The following COL4A5 variants were observed in gnomAD, a reference collection of about 807,000 sequenced individuals.
The protein encoded by COL4A5 is collagen alpha-5(IV) chain.
Under a neutral mutation model 130.2 loss-of-function variants are expected in COL4A5, and 26 were observed. The ratio of observed to expected loss-of-function variants is 0.20; its 90% CI spans 0.15 to 0.28. The LOEUF (loss-of-function observed/expected upper bound fraction) is 0.28. Ranked by LOEUF, COL4A5 falls within the 10% of genes least tolerant of loss-of-function variation. The pLI is 1.00. For missense variants in COL4A5, 1,131 were observed against 1,344.3 expected, an observed-to-expected ratio of 0.84 and a Z score of 2.48; for synonymous variants, 496 against 439.6, an observed-to-expected ratio of 1.13 and a Z score of -1.60.
At chrX:108,509,785 C>A (rs961554263) in intron 1 of COL4A5, among the ~76,000 whole-genome samples, 2 of 111,819 alleles carry the variant, frequency 1.8e-5, no homozygotes, top group African/African-American at 6.5e-5. Flanking sequence ...TACCATTGCA[C>A]CCAGCAATCC....
At chrX:108,508,831 A>G (rs2147585096) in intron 1 of COL4A5, among the ~76,000 whole-genome samples, 1 of 112,180 alleles carries the variant, frequency 8.9e-6, no homozygotes, top group East Asian at 2.8e-4. Flanking sequence ...TATTCAATAA[A>G]TGGTGCTGGG....
intron 29 of COL4A5, among the ~76,000 whole-genome samples, chrX:108,610,651 G>T (rs955302216): frequency 6.3e-5 from 7 of 111,741 alleles, no homozygotes; most frequent in Non-Finnish European, 1.3e-4. Context: ...CACAGTGGTA[G>T]TGAAGAAATG....
At chrX:108,453,890 G>A (rs1434866020) in intron 1 of COL4A5, among the ~76,000 whole-genome samples, 2 of 112,019 alleles carry the variant, frequency 1.8e-5, no homozygotes, top group African/African-American at 6.5e-5. Context: ...GTAGATACTA[G>A]ATTGTACTCG....
intron 44 of COL4A5, among the ~76,000 whole-genome samples, chrX:108,679,302 T>A (rs1569507182): frequency 8.9e-6 from 1 of 111,857 alleles, no homozygotes; most frequent in East Asian, 2.8e-4. Flanking sequence ...CCTCAACCAG[T>A]CTCTAGTGGG....
At chrX:108,499,495 A>G (rs2065061645) in intron 1 of COL4A5, among the ~76,000 whole-genome samples, 1 of 111,252 alleles carries the variant, frequency 9.0e-6, no homozygotes, top group African/African-American at 3.3e-5. Flanking sequence ...ATGAGTTTGA[A>G]TGTGCTTCCT....
chrX:108,543,464 T>C (rs1181856767), intron 2 of COL4A5, among the ~76,000 whole-genome samples: 1 of 111,761 alleles, frequency 8.9e-6, no homozygotes, highest in African/African-American at 3.3e-5. Flanking sequence ...TCCATTTGTC[T>C]ATATCTCTGT....
At chrX:108,459,558 A>G (rs1000244684) in intron 1 of COL4A5, among the ~76,000 whole-genome samples, 4 of 112,352 alleles carry the variant, frequency 3.6e-5, no homozygotes, top group Admixed American at 9.4e-5. Context: ...ACTTCAGATT[A>G]TTTCCTTTGA....
rs749801668 is a variant in COL4A5 at position 108,448,987 on chromosome X, T to C, written c.81+8781T>C. 3.6e-5 allele frequency among the ~76,000 whole-genome samples: 4 copies of C among 111,977 alleles called. No homozygotes were observed. In the South Asian group the frequency reaches 1.5e-3, roughly 42 times the overall value. ...AGAAAGAGAGTATGAACTATTCATGTGTATCTCTTTTTACTAGCAATGGAA... is the reference window on the plus strand; with the variant it reads ...AGAAAGAGAGTATGAACTATTCATGCGTATCTCTTTTTACTAGCAATGGAA... On this transcript the variant is annotated intron_variant, in intron 1 of 52. Transcript: ENST00000328300.
chrX:108,473,901 G>C (rs1212980698), intron 1 of COL4A5, among the ~76,000 whole-genome samples: 1 of 108,281 alleles, frequency 9.2e-6, no homozygotes, highest in African/African-American at 3.4e-5. Context: ...CAAAGTGCTG[G>C]GATTACAGGT....
chrX:108,662,080 C>T (rs1302991494), intron 37 of COL4A5, among the ~76,000 whole-genome samples: 2 of 69,851 alleles, frequency 2.9e-5, no homozygotes, highest in Non-Finnish European at 2.6e-5. Flanking sequence ...CCCCTCCCCC[C>T]ACCCCACAAC....
At chrX:108,620,508 C>A in intron 31 of COL4A5, 82 bp downstream of exon 31, 1 of 825,071 alleles carries the variant, frequency 1.2e-6, no homozygotes, top group Non-Finnish European at 1.8e-6. Flanking sequence ...CCATGTTACA[C>A]TTTTCTAGAT....
intron 1 of COL4A5, among the ~76,000 whole-genome samples, chrX:108,537,014 CAAAA>C (rs1401220425): frequency 2.1e-3 from 230 of 111,350 alleles, no homozygotes; most frequent in African/African-American, 7.2e-3. Context: ...CTTAAAAAAA[CAAAA>C]AACCTAGACT....
rs991159149 is a variant in COL4A5, at chrX:108,578,109, A to C, written c.677A>C (p.Lys226Thr). 1.2e-5 allele frequency: 14 copies of C among 1,208,505 alleles called. No homozygotes were observed. Among genetic ancestry groups the C allele is most frequent in the African/African-American group, 1.8e-5 (1 of 57,027 alleles). Residue 226 changes from lysine (K) to threonine (T), a missense_variant, in exon 12 of 53, where the codon AAA becomes ACA. Transcript: ENST00000328300. ...GNMGLNFQGP[K>T]GEKGEQGLQG... ...ATGGGCTTAAATTTCCAGGGACCCA[A>C]AGGTGAAAAAGTGAGTAAAGAAAGA...
chrX:108,654,460 G>A lies in COL4A5; in HGVS notation c.3247-871G>A, dbSNP rs775871310. ...GAAGAAGTAGGATTTTTCTTTTCTT[G>A]TTAAGAGGCAGGGCTCCCTCTGTCA... On this transcript the variant is annotated intron_variant, in intron 36 of 52. Coordinates refer to ENST00000328300, the MANE Select transcript of COL4A5 (RefSeq NM_033380.3). Among the ~76,000 whole-genome samples, 8 of 112,406 alleles carry A rather than the reference G, an allele frequency of 7.1e-5. No homozygotes were observed. The East Asian group carries it at 2.3e-3, about 32-fold the overall frequency.
At chrX:108,557,788 T>TG (rs1402953338) in intron 2 of COL4A5, among the ~76,000 whole-genome samples, 1 of 110,436 alleles carries the variant, frequency 9.1e-6, no homozygotes, top group African/African-American at 3.3e-5. Flanking sequence ...GCTGTCACTG[T>TG]GGGTAGGATC....
At chrX:108,450,539 T>C (rs191281362) in intron 1 of COL4A5, among the ~76,000 whole-genome samples, 12 of 112,285 alleles carry the variant, frequency 1.1e-4, no homozygotes, top group African/African-American at 3.9e-4. Flanking sequence ...AATGAAAAAT[T>C]TGAGCTTTTC....
chrX:108,469,669 C>G (rs1359355706), intron 1 of COL4A5, among the ~76,000 whole-genome samples: 1 of 111,415 alleles, frequency 9.0e-6, no homozygotes, highest in Admixed American at 9.5e-5. Context: ...ATAATTTGCA[C>G]ATATATTCAG....
intron 36 of COL4A5, among the ~76,000 whole-genome samples, chrX:108,640,938 A>T (rs1278014986): frequency 8.9e-6 from 1 of 111,865 alleles, no homozygotes; most frequent in African/African-American, 3.2e-5. Flanking sequence ...CTATTTCTCT[A>T]AGAAAGATGT....
At chrX:108,459,584 T>C (rs1182986803) in intron 1 of COL4A5, among the ~76,000 whole-genome samples, 1 of 112,604 alleles carries the variant, frequency 8.9e-6, no homozygotes, top group Non-Finnish European at 1.9e-5. Flanking sequence ...GTTCTAAAAC[T>C]ATATATTGTA....
Sources: gnomAD v4.1 joint callset for allele counts (sites outside exome capture counted in the v4.1 genomes callset) on GRCh38, gnomAD v4.1.1 for gene constraint, MANE v1.5 for transcripts, NCBI Gene and HGNC (gene_info 2026-07-23, HGNC 2026-07-21) for gene names.